ABCA12: variants seen among roughly 807,000 people sequenced by gnomAD.
The protein encoded by ABCA12 is ATP binding cassette subfamily A member 12.
Under a neutral mutation model 293.5 loss-of-function variants are expected in ABCA12, and 156 were observed. That is an observed-to-expected ratio of 0.53 (90% confidence interval 0.47 to 0.61). ABCA12 has a LOEUF of 0.61. Ranked by LOEUF, ABCA12 falls within the 20% of genes least tolerant of loss-of-function variation. The probability of loss-of-function intolerance (pLI) is 0.00; values close to 1 mark genes in which losing one functional copy is unlikely to be tolerated. For missense variants in ABCA12, 2,797 were observed against 3,090.2 expected (o/e 0.91, Z 2.25); for synonymous variants, 1,063 against 1,108.0 (o/e 0.96, Z 0.81).
intron 3 of ABCA12, among the ~76,000 whole-genome samples, chr2:215,061,034 CCAACTGTGTGAG>C (rs1196272656): frequency 1.3e-5 from 2 of 151,972 alleles, no homozygotes; most frequent in African/African-American, 4.8e-5. Flanking sequence ...TTGCTATTCG[CCAACTGTGTGAG>C]CAATGGCACA....
intron 1 of ABCA12, among the ~76,000 whole-genome samples, chr2:215,115,129 G>T (rs1192470301): frequency 6.6e-6 from 1 of 152,126 alleles, no homozygotes; most frequent in African/African-American, 2.4e-5. Flanking sequence ...TTAGACTCTT[G>T]AAGGCAAAAA....
intron 17 of ABCA12, 24 bp from the exon 18 acceptor site, chr2:215,010,494 A>G: frequency 6.2e-7 from 1 of 1,611,388 alleles, no homozygotes; most frequent in Non-Finnish European, 8.5e-7. Context: ...GTGAAATAAA[A>G]CCATTTAATA....
In ABCA12 at chr2:215,022,263, T is replaced by C. The variant is rs190343897; in HGVS notation, c.1288-2467A>G. ...TGTGGGAAACCAGCAAAGTTCCATA[T>C]AGTATAGTCTTGGCTTAGTGAGATA... On this transcript the variant is annotated intron_variant, in intron 11 of 52. Coordinates refer to ENST00000272895, the MANE Select transcript of ABCA12 (RefSeq NM_173076.3). 2.0e-4 allele frequency: 31 copies of C among 152,338 alleles called. No homozygotes were observed. In the East Asian group the frequency reaches 5.4e-3, roughly 27 times the overall value. 9.4% of individuals were successfully genotyped at this position (152,338 alleles called of 1,614,324 possible). A position where few individuals can be genotyped will look rare whatever the true frequency, so the allele number is the denominator to read the frequency against.
Position 214,976,003 on chromosome 2 carries a change from G to A in ABCA12, c.5163C>T (p.Gly1721=), listed in dbSNP as rs1699508325. The A allele has an allele frequency of 6.2e-7, 1 of 1,614,010 alleles. No individual in the cohort carries two copies. The highest frequency in any genetic ancestry group is 8.5e-7 in the Non-Finnish European group (1 of 1,179,964). ...TGATCTTCTTCAGCAACAGTCCAAA[G>A]CCATCCAGCCTCTCTCCTCTTGTCA... ...KILTRGERLD[G]FGLLLKKIMA... Residue 1721 remains glycine (G), a synonymous_variant, in exon 34 of 53, where the codon GGC becomes GGT. Coordinates refer to ENST00000272895, the MANE Select transcript of ABCA12 (RefSeq NM_173076.3).
At chr2:214,974,471 C>T (rs1183412584) in intron 35 of ABCA12, among the ~76,000 whole-genome samples, 1 of 152,026 alleles carries the variant, frequency 6.6e-6, no homozygotes, top group African/African-American at 2.4e-5. Context: ...AGATAAGTAT[C>T]TTGGTCTCTG....
At position 215,012,066 on chromosome 2, in the gene ABCA12, T is replaced by G. The variant is rs756063219; in HGVS notation, c.2026A>C (p.Ile676Leu). Residue 676 changes from isoleucine (I) to leucine (L), a missense_variant, in exon 16 of 53, where the codon ATT becomes CTT. This residue lies in a region of ABCA12 where 2,130 missense variants were observed against 2,427.0 expected (regional missense o/e 0.88). Transcript: ENST00000272895. ...GTGCCAGAAGCCATCTGATTGAGAA[T>G]CTCTTTTAGTCTTATGAAGAGCTCC... ...MMELFIRLKE[I>L]LNQMASGTHP... 6.2e-7 allele frequency: 1 copy of G among 1,613,990 alleles called. No homozygotes were observed. Among genetic ancestry groups the G allele is most frequent in the South Asian group, 1.1e-5 (1 of 91,078 alleles).
chr2:215,058,001 G>T (rs1701452853), intron 3 of ABCA12, among the ~76,000 whole-genome samples: 1 of 152,054 alleles, frequency 6.6e-6, no homozygotes, highest in South Asian at 2.1e-4. Flanking sequence ...ACATTAATGA[G>T]AATAGCTAAG....
chr2:215,122,862 G>A (rs1702837025), intron 1 of ABCA12, among the ~76,000 whole-genome samples: 2 of 152,140 alleles, frequency 1.3e-5, no homozygotes, highest in Admixed American at 6.5e-5. Flanking sequence ...GTGTAATGGT[G>A]AGGACTAGGC....
At chr2:215,123,236 C>T (rs1045315537) in intron 1 of ABCA12, among the ~76,000 whole-genome samples, 2 of 152,032 alleles carry the variant, frequency 1.3e-5, no homozygotes, top group African/African-American at 4.8e-5. Flanking sequence ...TGCAGTGGCG[C>T]AATCTCGGCT....
At chr2:215,064,984 G>A (rs761820428) in intron 2 of ABCA12, among the ~76,000 whole-genome samples, 10 of 151,466 alleles carry the variant, frequency 6.6e-5, no homozygotes, top group Admixed American at 1.3e-4. Flanking sequence ...TCTTTTTCCC[G>A]TTTAAAAACC....
At chr2:215,130,483 C>A (rs78060122) in intron 1 of ABCA12, among the ~76,000 whole-genome samples, 5,187 of 151,826 alleles carry the variant, frequency 0.034, 144 homozygotes, top group African/African-American at 0.065. Context: ...ATTTTTTGTG[C>A]GGCTATTTTA....
intron 3 of ABCA12, among the ~76,000 whole-genome samples, chr2:215,056,682 A>C (rs1701426882): frequency 6.6e-6 from 1 of 152,086 alleles, no homozygotes; most frequent in Non-Finnish European, 1.5e-5. Context: ...TTAAAATGGA[A>C]ATCACAAAAT....
chr2:214,938,968 C>A (rs1188612451), intron 50 of ABCA12, among the ~76,000 whole-genome samples: 1 of 152,082 alleles, frequency 6.6e-6, no homozygotes, highest in Non-Finnish European at 1.5e-5. Context: ...TTAATTAGAT[C>A]CCATTTGTCT....
intron 2 of ABCA12, among the ~76,000 whole-genome samples, chr2:215,092,491 C>T (rs1337521413): frequency 6.6e-6 from 1 of 152,018 alleles, no homozygotes; most frequent in Non-Finnish European, 1.5e-5. Flanking sequence ...TATTGGACAC[C>T]TCTACTCCCT....
intron 6 of ABCA12, among the ~76,000 whole-genome samples, chr2:215,046,916 C>T (rs1701215107): frequency 6.6e-6 from 1 of 152,096 alleles, no homozygotes; most frequent in African/African-American, 2.4e-5. Flanking sequence ...GAGATCATGT[C>T]CTTTGCAGGG....
At chr2:214,999,115 A>G (rs945483398) in intron 22 of ABCA12, among the ~76,000 whole-genome samples, 1 of 151,766 alleles carries the variant, frequency 6.6e-6, no homozygotes, top group Non-Finnish European at 1.5e-5. Flanking sequence ...GCCATATTCC[A>G]TTTTTTTTGT....
chr2:214,986,258 T>C (rs902093215), intron 28 of ABCA12, among the ~76,000 whole-genome samples: 2 of 152,182 alleles, frequency 1.3e-5, no homozygotes, highest in Non-Finnish European at 2.9e-5. Context: ...CCTAAGAATA[T>C]GAACTCAATG....
chr2:215,120,847 A>AAATT (rs1702791508), intron 1 of ABCA12, among the ~76,000 whole-genome samples: 2 of 152,212 alleles, frequency 1.3e-5, no homozygotes, highest in African/African-American at 4.8e-5. Flanking sequence ...CACTTCTTCC[A>AAATT]CATGAGAATT....
At chr2:214,953,332 ATAAG>A (rs1698837507) in intron 44 of ABCA12, among the ~76,000 whole-genome samples, 1 of 152,240 alleles carries the variant, frequency 6.6e-6, no homozygotes, top group African/African-American at 2.4e-5. Context: ...TTAAACATAC[ATAAG>A]TAAGTCTGTG....
Sources: allele counts gnomAD v4.1 joint callset (sites outside exome capture counted in the v4.1 genomes callset), GRCh38; gene constraint gnomAD v4.1.1; regional missense constraint gnomAD v4.1.1; transcripts MANE v1.5; gene names NCBI Gene and HGNC (gene_info 2026-07-23, HGNC 2026-07-21).